The following USP18 variants were observed in gnomAD, a reference collection of about 807,000 sequenced individuals.
The protein encoded by USP18 is ubl carboxyl-terminal hydrolase 18.
A neutral mutation model predicts 48.7 loss-of-function variants in USP18; 11 were observed. That is an observed-to-expected ratio of 0.23 (90% confidence interval 0.14 to 0.37). The LOEUF (loss-of-function observed/expected upper bound fraction) is 0.37. Ranked by LOEUF, USP18 falls within the 10% of genes least tolerant of loss-of-function variation. USP18 has a pLI of 1.00. For synonymous variants in USP18, 114 were observed against 163.2 expected (o/e 0.70, Z 2.30); for missense variants, 285 against 436.4 (o/e 0.65, Z 3.09).
rs1929709915 is a variant in USP18, at chr22:18,173,962, C to A, written c.1073+120C>A. 4 of 1,433,396 alleles carry A rather than the reference C, an allele frequency of 2.8e-6. No individual in the cohort carries two copies. In the Admixed American group the frequency reaches 7.8e-5, roughly 28 times the overall value. The allele number at this position is 1,433,396 out of a possible 1,614,324, so 88.8% of individuals were successfully genotyped here. ...GCTGATGGCTCACTGTCCGCCTCATCTCCAGCACTCACCCCACCACCCCAT... is the reference window on the plus strand; with the variant it reads ...GCTGATGGCTCACTGTCCGCCTCATATCCAGCACTCACCCCACCACCCCAT... On this transcript the variant is annotated intron_variant, in intron 10 of 10. Transcript: ENST00000215794.
At chr22:18,159,499 CTT>C (rs34724251) in intron 2 of USP18, among the ~76,000 whole-genome samples, 14 of 139,982 alleles carry the variant, frequency 1.0e-4, no homozygotes, top group Non-Finnish European at 1.1e-4. Context: ...TTTTTGTCAA[CTT>C]TTTTTTTTTT....
intron 4 of USP18, among the ~76,000 whole-genome samples, chr22:18,162,792 C>T (rs1929365091): frequency 6.6e-6 from 1 of 152,138 alleles, no homozygotes. Flanking sequence ...CATGCTATGG[C>T]CACTGTGCTC....
rs1929192112 is a variant in USP18 at position 18,157,459 on chromosome 22, TATCTCCCTCTAA to T, written c.-106-98_-106-87del. On this transcript the variant is annotated intron_variant, in intron 1 of 10. Transcript: ENST00000215794. ...CTATGAGTCAGTCTCCCCAAACATT[TATCTCCCTCTAA>T]GACCTGCTCTTTGGCATCAGAACGG... is the stretch of plus-strand genomic sequence containing the variant. The T allele has an allele frequency of 4.7e-6, 3 of 634,846 alleles. No individual in the cohort carries two copies. The South Asian group carries it at 5.8e-5, about 12-fold the overall frequency. The allele number at this position is 634,846 out of a possible 1,614,324, so 39.3% of individuals were successfully genotyped here.
intron 1 of USP18, among the ~76,000 whole-genome samples, chr22:18,156,943 C>T (rs1929169297): frequency 6.9e-6 from 1 of 145,750 alleles, no homozygotes; most frequent in African/African-American, 2.6e-5. Flanking sequence ...CTTCACACAG[C>T]TGTGCTGGGT....
chr22:18,170,497 G>A (rs372134328), intron 7 of USP18, among the ~76,000 whole-genome samples: 8 of 152,166 alleles, frequency 5.3e-5, no homozygotes, highest in East Asian at 3.9e-4. Flanking sequence ...GAGCAGACGC[G>A]GTGGCTCCCT....
intron 9 of USP18, among the ~76,000 whole-genome samples, 180 bp downstream of exon 9, chr22:18,173,461 T>C (rs2123743112): frequency 6.6e-6 from 1 of 152,296 alleles, no homozygotes; most frequent in East Asian, 1.9e-4. Flanking sequence ...GGTTTGCACC[T>C]CTGTAAGGGT....
At chr22:18,152,725 TA>T (rs1929031078) in intron 1 of USP18, among the ~76,000 whole-genome samples, 1 of 152,088 alleles carries the variant, frequency 6.6e-6, no homozygotes. Flanking sequence ...TTAGACCTTT[TA>T]AGCTTCACTT....
At chr22:18,155,160 G>A (rs1233691885) in intron 1 of USP18, among the ~76,000 whole-genome samples, 1 of 152,242 alleles carries the variant, frequency 6.6e-6, no homozygotes, top group Admixed American at 6.5e-5. Flanking sequence ...AGTTATTCAG[G>A]GCCCAGGGCC....
chr22:18,153,842 TTAACG>T (rs2123725274), intron 1 of USP18, among the ~76,000 whole-genome samples: 1 of 152,224 alleles, frequency 6.6e-6, no homozygotes, highest in South Asian at 2.1e-4. Context: ...GTTATTCCAC[TTAACG>T]TAATGTACTC....
At chr22:18,169,566 G>GCACCTGCTCCTCCCAGGTAAGA (rs1287976999) in intron 6 of USP18, among the ~76,000 whole-genome samples, 7 of 152,022 alleles carry the variant, frequency 4.6e-5, no homozygotes, top group South Asian at 2.1e-4. Context: ...TTGGTCTCTT[G>GCACCTGCTCCTCCCAGGTAAGA]CACCTGCTCC....
chr22:18,175,416 C>G (rs1356014760), intron 10 of USP18, among the ~76,000 whole-genome samples: 1 of 150,828 alleles, frequency 6.6e-6, no homozygotes, highest in Non-Finnish European at 1.5e-5. Context: ...CCTCCTTCTA[C>G]TTTTCATCTT....
At chr22:18,157,213 C>T (rs1480072525) in intron 1 of USP18, among the ~76,000 whole-genome samples, 1 of 152,260 alleles carries the variant, frequency 6.6e-6, no homozygotes, top group Non-Finnish European at 1.5e-5. Context: ...CCCTGTATGC[C>T]AGCCTGGCAT....
At chr22:18,156,921 AAC>A (rs1929168237) in intron 1 of USP18, among the ~76,000 whole-genome samples, 1 of 151,752 alleles carries the variant, frequency 6.6e-6, no homozygotes, top group South Asian at 2.1e-4. Context: ...CCCCCAAGCA[AAC>A]AGTGTCTCTC....
At chr22:18,173,964 C>A in intron 10 of USP18, 122 bp downstream of exon 10, 4 of 1,393,968 alleles carry the variant, frequency 2.9e-6, no homozygotes, top group Non-Finnish European at 3.9e-6. Flanking sequence ...CGCCTCATCT[C>A]CAGCACTCAC....
intron 3 of USP18, among the ~76,000 whole-genome samples, chr22:18,160,773 T>TC (rs1382067546): frequency 6.7e-6 from 1 of 148,466 alleles, no homozygotes; most frequent in African/African-American, 2.5e-5. Context: ...GGTACTTTTT[T>TC]TTTTTTTTTT....
At chr22:18,154,212 A>T (rs966949742) in intron 1 of USP18, among the ~76,000 whole-genome samples, 2 of 151,842 alleles carry the variant, frequency 1.3e-5, no homozygotes, top group African/African-American at 2.4e-5. Flanking sequence ...CCTCACTCTG[A>T]GCAGCATGTT....
intron 2 of USP18, 128 bp from the exon 3 acceptor site, chr22:18,160,044 C>T (rs1398286987): frequency 1.5e-5 from 13 of 861,484 alleles, no homozygotes; most frequent in African/African-American, 9.9e-5. Context: ...GAACTCCCGA[C>T]CTCAGGTGAT....
intron 6 of USP18, among the ~76,000 whole-genome samples, 165 bp downstream of exon 6, chr22:18,168,201 C>G (rs1929532834): frequency 6.6e-6 from 1 of 152,124 alleles, no homozygotes; most frequent in Non-Finnish European, 1.5e-5. Context: ...CTGGTGGGAA[C>G]TCTCAGAGTC....
chr22:18,151,586 C>T (rs1272179781), intron 1 of USP18, among the ~76,000 whole-genome samples: 1 of 151,778 alleles, frequency 6.6e-6, no homozygotes, highest in African/African-American at 2.4e-5. Context: ...CAATGATGAG[C>T]TTACAAAGGG....
Sources: allele counts gnomAD v4.1 joint callset (sites outside exome capture counted in the v4.1 genomes callset), GRCh38; gene constraint gnomAD v4.1.1; transcripts MANE v1.5; gene names NCBI Gene and HGNC (gene_info 2026-07-23, HGNC 2026-07-21).